IHO1: variants seen among roughly 807,000 people sequenced by gnomAD.
The protein encoded by IHO1 is interactor of HORMAD1 1.
In IHO1, 13 loss-of-function variants were observed where a neutral mutation model predicts 31.0. That is an observed-to-expected ratio of 0.42 (90% CI 0.27 to 0.67). The LOEUF (loss-of-function observed/expected upper bound fraction) is 0.67. Among genes scored for constraint, IHO1 ranks in the 30% least tolerant of loss-of-function variants. IHO1 has a pLI of 0.24. For missense variants in IHO1, 599 were observed against 687.5 expected (o/e 0.87, Z 1.44); for synonymous variants, 221 against 248.4 (o/e 0.89, Z 1.04).
At chr3:49,228,146 A>G (rs1157667658) in intron 2 of IHO1, among the ~76,000 whole-genome samples, 1 of 152,190 alleles carries the variant, frequency 6.6e-6, no homozygotes, top group East Asian at 1.9e-4. Flanking sequence ...CAGGATAGAT[A>G]GGATAGATGG....
chr3:49,253,724 CT>C (rs2046789841), intron 6 of IHO1, among the ~76,000 whole-genome samples: 1 of 151,744 alleles, frequency 6.6e-6, no homozygotes. Context: ...GCACAGTACG[CT>C]TTTCCTTTAG....
chr3:49,224,548 T>G (rs1283788003), intron 2 of IHO1, among the ~76,000 whole-genome samples: 1 of 152,252 alleles, frequency 6.6e-6, no homozygotes, highest in Non-Finnish European at 1.5e-5. Flanking sequence ...ACATTTATTC[T>G]TTTTCTTTTT....
intron 2 of IHO1, among the ~76,000 whole-genome samples, chr3:49,221,538 C>T (rs2046356035): frequency 6.6e-6 from 1 of 152,198 alleles, no homozygotes; most frequent in Non-Finnish European, 1.5e-5. Flanking sequence ...GACACCCCAA[C>T]TGCTGTTGGG....
intron 2 of IHO1, among the ~76,000 whole-genome samples, chr3:49,222,775 T>C (rs778205267): frequency 1.3e-5 from 2 of 152,094 alleles, no homozygotes; most frequent in Non-Finnish European, 2.9e-5. Context: ...AGTCCTCCAA[T>C]GGTTCGCAAG....
intron 1 of IHO1, among the ~76,000 whole-genome samples, chr3:49,202,424 C>T (rs1171853193): frequency 2.0e-5 from 3 of 148,098 alleles, no homozygotes; most frequent in Non-Finnish European, 4.4e-5. Flanking sequence ...CTCCTGGGTT[C>T]GCGCCATTCT....
At chr3:49,210,658 C>T (rs1179331893) in intron 1 of IHO1, among the ~76,000 whole-genome samples, 1 of 150,916 alleles carries the variant, frequency 6.6e-6, no homozygotes, top group Non-Finnish European at 1.5e-5. Context: ...CTCTGCTTCC[C>T]AAAGTGCAGG....
upstream of IHO1, among the ~76,000 whole-genome samples, chr3:49,195,436 G>A (rs1282061219): frequency 1.4e-5 from 2 of 141,950 alleles, no homozygotes; most frequent in Admixed American, 7.1e-5. Context: ...AAAAAAAAGA[G>A]GCCAGTCGTG....
Position 49,246,668 on chromosome 3 carries a change from T to A in IHO1, c.532+1935T>A, listed in dbSNP as rs138185230. ...CTGTATCAAATAATAATAATAATAA[T>A]AAAACTGGGTGAAGTACAAAAAAGG... On this transcript the variant is annotated intron_variant, in intron 6 of 7. Transcript: ENST00000452691. 2.8e-3 allele frequency among the ~76,000 whole-genome samples: 418 copies of A among 151,516 alleles called. 3 individuals are homozygous for A. Among genetic ancestry groups the A allele is most frequent in the African/African-American group, 9.4e-3 (388 of 41,318 alleles).
At chr3:49,195,458 C>T (rs1191929641), upstream of IHO1, among the ~76,000 whole-genome samples, 1 of 150,290 alleles carries the variant, frequency 6.7e-6, no homozygotes, top group Non-Finnish European at 1.5e-5. Context: ...TGGCTCACAC[C>T]AGTAATCCCA....
chr3:49,242,498 C>G (rs1352827784), intron 4 of IHO1, among the ~76,000 whole-genome samples: 1 of 151,986 alleles, frequency 6.6e-6, no homozygotes, highest in East Asian at 1.9e-4. Flanking sequence ...ATTTTTTTCT[C>G]TCTGAAAAAT....
chr3:49,244,690 A>C lies in IHO1; in HGVS notation c.489A>C (p.Arg163Ser). ...AGTCTGAGGACCATCTCAGTTCAAG[A>C]AGCCAATCTATTTTGGATTCTTTGG... is the stretch of plus-strand genomic sequence containing the variant. ...VEKSEDHLSS[R>S]SQSILDSLET... The change falls in exon 6 of 8, where the codon AGA becomes AGC. Residue 163 changes from arginine to serine, a missense_variant. Coordinates refer to ENST00000452691, the MANE Select transcript of IHO1 (RefSeq NM_001135197.2). 6.2e-7 allele frequency: 1 copy of C among 1,614,178 alleles called. No homozygotes were observed. The highest frequency in any genetic ancestry group is 8.5e-7 in the Non-Finnish European group (1 of 1,180,018).
intron 2 of IHO1, among the ~76,000 whole-genome samples, chr3:49,232,203 A>G (rs1229133790): frequency 6.6e-6 from 1 of 152,370 alleles, no homozygotes; most frequent in South Asian, 2.1e-4. Flanking sequence ...CTGACATTCC[A>G]TATAATTCTC....
At chr3:49,207,315 G>A (rs1173874919) in intron 1 of IHO1, among the ~76,000 whole-genome samples, 5 of 147,850 alleles carry the variant, frequency 3.4e-5, no homozygotes, top group East Asian at 2.0e-4. Flanking sequence ...GTGTGATCTC[G>A]GCTCACTGCA....
chr3:49,217,632 TAAAGTA>T (rs1201553892), intron 2 of IHO1, among the ~76,000 whole-genome samples: 1 of 113,690 alleles, frequency 8.8e-6, no homozygotes, highest in Non-Finnish European at 1.7e-5. Context: ...CCCTAGAACT[TAAAGTA>T]TAATAAAAAA....
intron 2 of IHO1, among the ~76,000 whole-genome samples, chr3:49,225,531 A>G (rs933551253): frequency 1.3e-5 from 2 of 152,102 alleles, no homozygotes; most frequent in African/African-American, 4.8e-5. Context: ...TGTTCCTTCC[A>G]ATGCCCAAAC....
rs570296491 is a variant in IHO1, at chr3:49,205,893, C to T, written c.-15-5873C>T. 1.3e-4 allele frequency among the ~76,000 whole-genome samples: 20 copies of T among 152,064 alleles called. No homozygotes were observed. In the East Asian group the frequency reaches 2.9e-3, roughly 22 times the overall value. ...CAAGCAATTCTCTTGCCTCAGCCTC[C>T]TGAGTAGTTGGGACTACAGGCACGT... On this transcript the variant is annotated intron_variant, in intron 1 of 7. Coordinates refer to ENST00000452691, the MANE Select transcript of IHO1 (RefSeq NM_001135197.2).
chr3:49,208,694 G>GT (rs544862717), intron 1 of IHO1, among the ~76,000 whole-genome samples: 8 of 151,908 alleles, frequency 5.3e-5, no homozygotes, highest in Admixed American at 2.0e-4. Flanking sequence ...ACCTCTATGT[G>GT]TTTTTTTTAT....
intron 2 of IHO1, among the ~76,000 whole-genome samples, chr3:49,229,799 G>A (rs555963625): frequency 3.3e-5 from 5 of 152,264 alleles, no homozygotes; most frequent in South Asian, 4.1e-4. Flanking sequence ...ATTGTGAAGG[G>A]CCTGATGGAC....
chr3:49,223,607 C>T (rs1054548967), intron 2 of IHO1, among the ~76,000 whole-genome samples: 2 of 151,890 alleles, frequency 1.3e-5, no homozygotes, highest in East Asian at 1.9e-4. Context: ...AGGAGAATGG[C>T]GCGAACCCGG....
Sources: allele counts gnomAD v4.1 joint callset (sites outside exome capture counted in the v4.1 genomes callset), GRCh38; gene constraint gnomAD v4.1.1; transcripts MANE v1.5; gene names NCBI Gene and HGNC (gene_info 2026-07-23, HGNC 2026-07-21).